The following LGR4 variants were observed in gnomAD, a reference collection of about 807,000 sequenced individuals.
LGR4 encodes the protein leucine-rich repeat-containing G protein-coupled receptor 4.
Under a neutral mutation model 84.8 loss-of-function variants are expected in LGR4, and 44 were observed. The observed-to-expected ratio is 0.52, with a 90% CI of 0.41 to 0.67. The LOEUF (loss-of-function observed/expected upper bound fraction) is 0.67, where lower values mean the gene tolerates loss of function less well. LGR4 is among the 30% of genes least tolerant of loss of function. The pLI, the probability that LGR4 is intolerant of heterozygous loss-of-function variation, is 0.00. For synonymous variants in LGR4, 429 were observed against 434.3 expected (o/e 0.99, Z 0.15); for missense variants, 1,032 against 1,131.4 (o/e 0.91, Z 1.26).
chr11:27,445,643 C>A (rs555317594), intron 1 of LGR4, among the ~76,000 whole-genome samples: 1 of 152,080 alleles, frequency 6.6e-6, no homozygotes, highest in Non-Finnish European at 1.5e-5. Context: ...TTTTGGGAGG[C>A]CGAGTAGAAG....
chr11:27,388,442 G>A (rs1198186174), intron 4 of LGR4, among the ~76,000 whole-genome samples: 3 of 152,086 alleles, frequency 2.0e-5, no homozygotes. Flanking sequence ...GTTTATTCAA[G>A]GTATTTTTCT....
At chr11:27,413,777 G>A (rs1235833597) in intron 1 of LGR4, among the ~76,000 whole-genome samples, 1 of 152,164 alleles carries the variant, frequency 6.6e-6, no homozygotes, top group East Asian at 1.9e-4. Context: ...ATATTGGTAT[G>A]AGGAAGGAGA....
chr11:27,451,653 A>G (rs1254569604), intron 1 of LGR4, among the ~76,000 whole-genome samples: 2 of 152,242 alleles, frequency 1.3e-5, no homozygotes, highest in Non-Finnish European at 2.9e-5. Context: ...CTAAAACTTC[A>G]TTCATTCATC....
Position 27,366,543 on chromosome 11 carries a change from A to G in LGR4, c.*1324T>C, listed in dbSNP as rs1450470216. 1 of 152,552 alleles carries G rather than the reference A, an allele frequency of 6.6e-6. No homozygotes were observed. The highest frequency in any genetic ancestry group is 1.5e-5 in the Non-Finnish European group (1 of 67,968). 9.4% of individuals were successfully genotyped at this position (152,552 alleles called of 1,614,324 possible). Reference sequence around the variant, plus strand: ...CTAGCTGGATTTTTTTAGTATATTCAGAATAACTAATATGGCAGTGGGTTT... The same window carrying G: ...CTAGCTGGATTTTTTTAGTATATTCGGAATAACTAATATGGCAGTGGGTTT... On this transcript the variant is annotated 3_prime_UTR_variant, in exon 18 of 18. Coordinates refer to ENST00000379214, the MANE Select transcript of LGR4 (RefSeq NM_018490.5).
intron 1 of LGR4, among the ~76,000 whole-genome samples, chr11:27,450,240 A>C (rs1479589919): frequency 7.2e-5 from 11 of 152,202 alleles, no homozygotes; most frequent in African/African-American, 2.4e-4. Flanking sequence ...CTATGCTACC[A>C]AAAAAATTTA....
In LGR4 at chr11:27,367,945, A is replaced by G; in HGVS notation, c.2778T>C (p.Cys926=). ...VSDSSDQVQA[C]GRACFYQSRG... is the part of the protein sequence containing the mutation. ...TACTCTGGTAGAAGCAGGCTCGTCC[A>G]CAGGCCTGCACCTGGTCAGAACTGT... Residue 926 remains cysteine (C), a synonymous_variant, in exon 18 of 18, where the codon TGT becomes TGC. Transcript: ENST00000379214. 1 of 1,613,980 alleles carries G rather than the reference A, an allele frequency of 6.2e-7. No homozygotes were observed. The highest frequency in any genetic ancestry group is 8.5e-7 in the Non-Finnish European group (1 of 1,179,956).
At chr11:27,371,063 A>T (rs1862874477) in intron 17 of LGR4, among the ~76,000 whole-genome samples, 1 of 152,236 alleles carries the variant, frequency 6.6e-6, no homozygotes, top group South Asian at 2.1e-4. Context: ...ATCCTGTGAT[A>T]TTATACCAAC....
chr11:27,447,849 T>G (rs570871693), intron 1 of LGR4, among the ~76,000 whole-genome samples: 13 of 152,296 alleles, frequency 8.5e-5, no homozygotes, highest in African/African-American at 3.1e-4. Flanking sequence ...GTGTGTTAAG[T>G]CTTTAAATTT....
At chr11:27,469,627 A>T (rs181537865) in intron 1 of LGR4, among the ~76,000 whole-genome samples, 2 of 152,368 alleles carry the variant, frequency 1.3e-5, no homozygotes, top group African/African-American at 4.8e-5. Flanking sequence ...AATGAGAAGA[A>T]AATGAAGAAC....
chr11:27,433,771 A>G (rs569602338), intron 1 of LGR4, among the ~76,000 whole-genome samples: 4 of 152,330 alleles, frequency 2.6e-5, no homozygotes, highest in African/African-American at 9.6e-5. Context: ...ACACAGACGC[A>G]GCACAGTGTG....
chr11:27,441,431 G>A (rs987530278), intron 1 of LGR4, among the ~76,000 whole-genome samples: 2 of 151,542 alleles, frequency 1.3e-5, no homozygotes, highest in South Asian at 2.1e-4. Context: ...AGTGGCATGG[G>A]TGACTAAATA....
chr11:27,385,749 T>A (rs1489388724), intron 4 of LGR4, among the ~76,000 whole-genome samples: 1 of 151,920 alleles, frequency 6.6e-6, no homozygotes, highest in Non-Finnish European at 1.5e-5. Context: ...CAGAAAGATA[T>A]ATTTTTTAAA....
In LGR4 at chr11:27,378,133, A is replaced by G. The variant is rs1023177717; in HGVS notation, c.1043+564T>C. On this transcript the variant is annotated intron_variant, in intron 11 of 17. Transcript: ENST00000379214. Reference sequence around the variant, plus strand: ...GACACATTTCTTAGAATGTATTCCTATTGTTAAGTGGATGTGTGACTTTAC... The same window carrying G: ...GACACATTTCTTAGAATGTATTCCTGTTGTTAAGTGGATGTGTGACTTTAC... 5.9e-5 allele frequency among the ~76,000 whole-genome samples: 9 copies of G among 152,140 alleles called. 1 individual carries two copies. The highest frequency in any genetic ancestry group is 2.0e-4 in the Admixed American group (3 of 15,270).
intron 1 of LGR4, among the ~76,000 whole-genome samples, chr11:27,452,663 G>A (rs1181649724): frequency 2.6e-4 from 33 of 126,128 alleles, no homozygotes; most frequent in Admixed American, 2.3e-3. Context: ...AGTCTCTGTC[G>A]CCCCGGCTGG....
intron 1 of LGR4, among the ~76,000 whole-genome samples, chr11:27,471,243 A>T (rs1864866745): frequency 6.6e-6 from 1 of 152,176 alleles, no homozygotes; most frequent in Non-Finnish European, 1.5e-5. Context: ...AGTCTGAAAC[A>T]TTTCAGTGTG....
chr11:27,434,493 G>C (rs942995977), intron 1 of LGR4, among the ~76,000 whole-genome samples: 1 of 152,154 alleles, frequency 6.6e-6, no homozygotes, highest in Non-Finnish European at 1.5e-5. Flanking sequence ...TGAAGTAGAG[G>C]CCTGTGGTCT....
chr11:27,411,284 G>T (rs1456496097), intron 2 of LGR4, among the ~76,000 whole-genome samples: 1 of 151,944 alleles, frequency 6.6e-6, no homozygotes, highest in Non-Finnish European at 1.5e-5. Context: ...TCATAAAGGG[G>T]GTGGAGGTGG....
Position 27,392,661 on chromosome 11 carries a change from C to A in LGR4, c.258-143G>T, listed in dbSNP as rs16916964. On this transcript the variant is annotated intron_variant, in intron 2 of 17. Coordinates refer to ENST00000379214, the MANE Select transcript of LGR4 (RefSeq NM_018490.5). ...TCTGACATTAAACGTGGACTTAAAC[C>A]CTTGCTAAAATGATCCTGTGAATCT... 3,991 of 680,706 alleles carry A rather than the reference C, an allele frequency of 5.9e-3. 120 individuals carry two copies. The African/African-American group carries it at 0.066, about 11-fold the overall frequency. 42.2% of individuals were successfully genotyped at this position (680,706 alleles called of 1,614,324 possible). A position where few individuals can be genotyped will look rare whatever the true frequency, so the allele number is the denominator to read the frequency against.
intron 3 of LGR4, among the ~76,000 whole-genome samples, 171 bp downstream of exon 3, chr11:27,392,276 A>G (rs1863299565): frequency 6.6e-6 from 1 of 152,144 alleles, no homozygotes; most frequent in African/African-American, 2.4e-5. Flanking sequence ...GTTAATCTAG[A>G]TGCAGGGTTG....
Sources: gnomAD v4.1 joint callset for allele counts (sites outside exome capture counted in the v4.1 genomes callset) on GRCh38, gnomAD v4.1.1 for gene constraint, MANE v1.5 for transcripts, NCBI Gene and HGNC (gene_info 2026-07-23, HGNC 2026-07-21) for gene names.